SUZ12: variants seen among roughly 807,000 people sequenced by gnomAD.
The protein encoded by SUZ12 is SUZ12 polycomb repressive complex 2 subunit, also known as polycomb protein SUZ12.
A neutral mutation model predicts 87.3 loss-of-function variants in SUZ12; 17 were observed. The ratio of observed to expected loss-of-function variants is 0.19; its 90% CI spans 0.13 to 0.29. The LOEUF is 0.29. Among genes scored for constraint, SUZ12 ranks in the 10% least tolerant of loss-of-function variants. SUZ12 has a pLI of 1.00. For synonymous variants in SUZ12, 253 were observed against 312.4 expected, an observed-to-expected ratio of 0.81 and a Z score of 2.01; for missense variants, 526 against 912.2, an observed-to-expected ratio of 0.58 and a Z score of 5.45.
At chr17:31,989,771 T>TA (rs59473351) in intron 10 of SUZ12, among the ~76,000 whole-genome samples, 1 of 149,080 alleles carries the variant, frequency 6.7e-6, no homozygotes, top group African/African-American at 2.5e-5. Flanking sequence ...GCTAATTTTT[T>TA]TTTTTTTTTT....
intron 9 of SUZ12, among the ~76,000 whole-genome samples, chr17:31,986,846 G>A (rs780831869): frequency 2.2e-4 from 34 of 152,128 alleles, no homozygotes; most frequent in Non-Finnish European, 3.1e-4. Context: ...CATTGCGCCC[G>A]GTCCTCTAAT....
chr17:31,990,190 G>A (rs2142208228), intron 10 of SUZ12, among the ~76,000 whole-genome samples: 1 of 141,580 alleles, frequency 7.1e-6, no homozygotes, highest in South Asian at 2.3e-4. Context: ...AGCCAGGATA[G>A]TCTCAATCTC....
chr17:31,993,265 G>A lies in SUZ12; in HGVS notation c.1225G>A (p.Asp409Asn), dbSNP rs1335022968. The A allele has an allele frequency of 6.3e-7, 1 of 1,579,918 alleles. No homozygotes were observed. The highest frequency in any genetic ancestry group is 1.2e-5 in the South Asian group (1 of 84,462). ...TIAVKESLTT[D>N]LQTRKEKDTP... ...AGCTGTTAAAGAATCATTGACTACA[G>A]ATCTACAAACAAGAAAAGAAAAGGA... The change falls in exon 11 of 16, where the codon GAT becomes AAT. Residue 409 changes from aspartate to asparagine, a missense_variant. By Grantham distance (23) the Asp-to-Asn change is conservative. This residue lies in a region of SUZ12 where 85 missense variants were observed against 87.4 expected (regional missense o/e 0.97). Coordinates refer to ENST00000322652, the MANE Select transcript of SUZ12 (RefSeq NM_015355.4).
chr17:31,963,076 G>A (rs1907834237), intron 4 of SUZ12, among the ~76,000 whole-genome samples: 1 of 152,190 alleles, frequency 6.6e-6, no homozygotes. Flanking sequence ...TCTGATTCAT[G>A]TAAAAATGTT....
intron 10 of SUZ12, among the ~76,000 whole-genome samples, chr17:31,990,869 C>T (rs1264324940): frequency 6.6e-6 from 1 of 152,094 alleles, no homozygotes; most frequent in East Asian, 1.9e-4. Flanking sequence ...CACCTTAGCC[C>T]TCCATATAGA....
intron 1 of SUZ12, among the ~76,000 whole-genome samples, chr17:31,939,151 A>G (rs114499843): frequency 0.014 from 2,193 of 152,350 alleles, 60 homozygotes; most frequent in African/African-American, 0.05. Flanking sequence ...GAACCTGTCA[A>G]TTGTGTAAAA....
intron 13 of SUZ12, among the ~76,000 whole-genome samples, chr17:31,995,249 G>A (rs1164054124): frequency 1.3e-5 from 2 of 152,106 alleles, no homozygotes; most frequent in African/African-American, 4.8e-5. Flanking sequence ...ACACAGTTTT[G>A]ACATGTAGGA....
chr17:31,979,781 C>T (rs1908990979), intron 8 of SUZ12, among the ~76,000 whole-genome samples: 1 of 152,118 alleles, frequency 6.6e-6, no homozygotes, highest in Non-Finnish European at 1.5e-5. Context: ...AATTCTTATG[C>T]TAATACATGA....
rs777975393 is a variant in SUZ12, at chr17:31,993,385, G to GT, written c.1293+53dup. 1.5e-5 allele frequency: 18 copies of GT among 1,198,548 alleles called. No homozygotes were observed. In the South Asian group the frequency reaches 2.5e-4, roughly 17 times the overall value. 74.2% of individuals were successfully genotyped at this position (1,198,548 alleles called of 1,614,324 possible). A position where few individuals can be genotyped will look rare whatever the true frequency, so the allele number is the denominator to read the frequency against. Reference sequence around the variant, plus strand: ...TAATTATGAAATGTATTTGTTTTTTGTATGTCAAACATGAAAATTTTTTGT... The same window carrying GT: ...TAATTATGAAATGTATTTGTTTTTTGTTATGTCAAACATGAAAATTTTTTGT... On this transcript the variant is annotated intron_variant, in intron 11 of 15. Transcript: ENST00000322652.
intron 4 of SUZ12, among the ~76,000 whole-genome samples, chr17:31,965,023 C>CT (rs200002572): frequency 0.11 from 16,204 of 151,910 alleles, 1,053 homozygotes; most frequent in Middle Eastern, 0.15. Flanking sequence ...ATTTACAGGG[C>CT]AACCTCTTCA....
intron 9 of SUZ12, among the ~76,000 whole-genome samples, chr17:31,983,560 A>G (rs1251508930): frequency 3.9e-5 from 6 of 152,108 alleles, no homozygotes; most frequent in Admixed American, 3.3e-4. Context: ...GATTACAGGC[A>G]TGAGCCACTG....
intron 8 of SUZ12, among the ~76,000 whole-genome samples, chr17:31,976,915 T>C (rs1020367422): frequency 2.0e-5 from 3 of 152,196 alleles, no homozygotes; most frequent in African/African-American, 7.2e-5. Context: ...GCCTTCACCA[T>C]GGAGCTTAAC....
chr17:31,949,733 T>A (rs1906846614), intron 4 of SUZ12, among the ~76,000 whole-genome samples: 1 of 116,938 alleles, frequency 8.6e-6, no homozygotes, highest in African/African-American at 3.2e-5. Context: ...TTGCTGAGGC[T>A]GGAGTGCAGT....
intron 4 of SUZ12, among the ~76,000 whole-genome samples, chr17:31,950,727 G>T (rs1906917690): frequency 1.3e-5 from 2 of 152,032 alleles, no homozygotes. Flanking sequence ...CATAACATTA[G>T]TTAGTAGAAG....
intron 8 of SUZ12, among the ~76,000 whole-genome samples, chr17:31,982,672 A>C (rs1201387347): frequency 6.6e-6 from 1 of 152,174 alleles, no homozygotes; most frequent in African/African-American, 2.4e-5. Context: ...AAATAAATAA[A>C]TAAATAAATA....
intron 10 of SUZ12, among the ~76,000 whole-genome samples, chr17:31,992,510 C>T (rs1284501559): frequency 1.3e-5 from 2 of 151,908 alleles, no homozygotes; most frequent in Admixed American, 1.3e-4. Flanking sequence ...CCCAGATTCA[C>T]GCCATTCTCC....
chr17:31,947,432 G>T (rs1906699649), intron 3 of SUZ12, among the ~76,000 whole-genome samples, 185 bp from the exon 4 acceptor site: 1 of 152,172 alleles, frequency 6.6e-6, no homozygotes, highest in Non-Finnish European at 1.5e-5. Context: ...GGGGCTTGAA[G>T]GCTCGTGTGC....
chr17:31,942,069 G>T (rs1283149871), intron 3 of SUZ12, among the ~76,000 whole-genome samples: 13 of 152,000 alleles, frequency 8.6e-5, no homozygotes, highest in Non-Finnish European at 1.5e-5. Flanking sequence ...GGCCAAGCTG[G>T]TCTCAAACTC....
chr17:31,988,952 G>T (rs1214578978), intron 10 of SUZ12, among the ~76,000 whole-genome samples: 1 of 151,582 alleles, frequency 6.6e-6, no homozygotes, highest in Admixed American at 6.6e-5. Context: ...GGCACCTGTA[G>T]TCCCAGCTAC....
Sources: gnomAD v4.1 joint callset for allele counts (sites outside exome capture counted in the v4.1 genomes callset) on GRCh38, gnomAD v4.1.1 for gene constraint, gnomAD v4.1.1 regional missense constraint, MANE v1.5 for transcripts, NCBI Gene and HGNC (gene_info 2026-07-23, HGNC 2026-07-21) for gene names.